ARNT2: variants seen among roughly 807,000 people sequenced by gnomAD.
ARNT2 encodes the protein ARNT protein 2.
ARNT2 carries 36 observed loss-of-function variants against 91.7 expected under a neutral mutation model. The ratio of observed to expected loss-of-function variants is 0.39; its 90% CI spans 0.30 to 0.52. The LOEUF (loss-of-function observed/expected upper bound fraction) is 0.52. Among genes scored for constraint, ARNT2 ranks in the 20% least tolerant of loss-of-function variants. The pLI is 0.72. For missense variants in ARNT2, 775 were observed against 939.3 expected (o/e 0.83, Z 2.29); for synonymous variants, 365 against 347.1 (o/e 1.05, Z -0.57).
At chr15:80,482,114 T>C (rs1306742695) in intron 5 of ARNT2, among the ~76,000 whole-genome samples, 1 of 152,232 alleles carries the variant, frequency 6.6e-6, no homozygotes, top group African/African-American at 2.4e-5. Context: ...CTTGCCATCT[T>C]GCCTAGGCTG....
At chr15:80,548,996 C>A (rs1038097733) in intron 8 of ARNT2, among the ~76,000 whole-genome samples, 1 of 152,004 alleles carries the variant, frequency 6.6e-6, no homozygotes, top group Non-Finnish European at 1.5e-5. Context: ...TTAAAACATA[C>A]AATAAAGCCT....
intron 11 of ARNT2, among the ~76,000 whole-genome samples, chr15:80,557,523 T>C (rs990072498): frequency 4.6e-5 from 7 of 151,984 alleles, no homozygotes; most frequent in African/African-American, 1.7e-4. Flanking sequence ...AACACCTGGG[T>C]GATGAAATAA....
intron 5 of ARNT2, among the ~76,000 whole-genome samples, chr15:80,487,095 C>T (rs936645402): frequency 2.6e-5 from 4 of 152,170 alleles, no homozygotes; most frequent in Non-Finnish European, 2.9e-5. Flanking sequence ...GGAATTCAGT[C>T]GCCGTGCAGA....
intron 17 of ARNT2, among the ~76,000 whole-genome samples, chr15:80,588,474 G>A (rs191058463): frequency 7.2e-5 from 11 of 151,990 alleles, no homozygotes; most frequent in Non-Finnish European, 1.0e-4. Flanking sequence ...TGTGCTTCCT[G>A]CTTCTGCTTA....
At chr15:80,478,780 C>T (rs1896844224) in intron 5 of ARNT2, among the ~76,000 whole-genome samples, 1 of 152,214 alleles carries the variant, frequency 6.6e-6, no homozygotes, top group Admixed American at 6.5e-5. Flanking sequence ...GTGCTCAGGA[C>T]AGGACTGGAG....
chr15:80,540,779 A>G (rs1364973430), intron 8 of ARNT2, among the ~76,000 whole-genome samples: 1 of 152,156 alleles, frequency 6.6e-6, no homozygotes, highest in Non-Finnish European at 1.5e-5. Context: ...TAATTCATTT[A>G]CAATAATGGC....
intron 17 of ARNT2, among the ~76,000 whole-genome samples, chr15:80,589,390 G>A (rs766929196): frequency 2.0e-5 from 3 of 152,144 alleles, no homozygotes; most frequent in Non-Finnish European, 4.4e-5. Context: ...AAGGGAAGGA[G>A]AGGTAGGTAT....
Position 80,552,859 on chromosome 15 carries a change from C to A in ARNT2, c.1089+85C>A, listed in dbSNP as rs182122971. 3.3e-6 allele frequency: 5 copies of A among 1,504,558 alleles called. No homozygotes were observed. In the African/African-American group the frequency reaches 6.9e-5, roughly 21 times the overall value. The allele number at this position is 1,504,558 out of a possible 1,614,324, so 93.2% of individuals were successfully genotyped here. A position where few individuals can be genotyped will look rare whatever the true frequency, so the allele number is the denominator to read the frequency against. On this transcript the variant is annotated intron_variant, in intron 10 of 18. Coordinates refer to ENST00000303329, the MANE Select transcript of ARNT2 (RefSeq NM_014862.4). The stretch of plus-strand genomic sequence containing the variant: ...TTCTTACTTCATTTGAGATACAACA[C>A]AATGGCCATGTGGAGAAACATCATA...
At chr15:80,504,218 C>G (rs1897239775) in intron 5 of ARNT2, among the ~76,000 whole-genome samples, 1 of 152,198 alleles carries the variant, frequency 6.6e-6, no homozygotes, top group Non-Finnish European at 1.5e-5. Flanking sequence ...CTCTCCAATC[C>G]CTTTCTCACT....
intron 3 of ARNT2, among the ~76,000 whole-genome samples, chr15:80,464,757 C>G (rs1434554731): frequency 6.6e-6 from 1 of 152,204 alleles, no homozygotes; most frequent in Non-Finnish European, 1.5e-5. Context: ...ATGGCTCTTA[C>G]AATGCCCTGC....
intron 1 of ARNT2, among the ~76,000 whole-genome samples, chr15:80,409,162 T>G (rs1000534301): frequency 6.6e-6 from 1 of 152,236 alleles, no homozygotes; most frequent in Non-Finnish European, 1.5e-5. Context: ...TGTATATGAC[T>G]TATATCTACC....
At chr15:80,572,252 C>G (rs1463307533) in intron 12 of ARNT2, among the ~76,000 whole-genome samples, 1 of 152,128 alleles carries the variant, frequency 6.6e-6, no homozygotes, top group Non-Finnish European at 1.5e-5. Context: ...TGCCTTCCTT[C>G]CACGGTGGCC....
intron 1 of ARNT2, among the ~76,000 whole-genome samples, chr15:80,411,888 T>A (rs1230911874): frequency 1.3e-5 from 2 of 152,188 alleles, no homozygotes; most frequent in African/African-American, 4.8e-5. Context: ...CGTGTTACAG[T>A]CCCACAGGGT....
In ARNT2 at chr15:80,563,085, C is replaced by A. The variant is rs1898399194; in HGVS notation, c.1165-3C>A. On this transcript the variant is annotated splice_polypyrimidine_tract_variant and splice_region_variant and intron_variant, in intron 11 of 18. Transcript: ENST00000303329. ...TGACTTCCTTCTCCAAATGTTTTCT[C>A]AGGTGGTTAAGCTGAAAGGCCAAGT... The A allele has an allele frequency of 6.2e-7, 1 of 1,614,080 alleles. No homozygotes were observed. Among genetic ancestry groups the A allele is most frequent in the African/African-American group, 1.3e-5 (1 of 74,938 alleles).
At chr15:80,527,314 C>G (rs1897654552) in intron 8 of ARNT2, among the ~76,000 whole-genome samples, 1 of 152,174 alleles carries the variant, frequency 6.6e-6, no homozygotes, top group South Asian at 2.1e-4. Flanking sequence ...AGGGTCATAA[C>G]CGAGACACAT....
At chr15:80,431,173 C>A (rs1348785607) in intron 1 of ARNT2, among the ~76,000 whole-genome samples, 1 of 152,162 alleles carries the variant, frequency 6.6e-6, no homozygotes, top group Admixed American at 6.5e-5. Flanking sequence ...AATCCTGAAC[C>A]TTACATTTTC....
intron 12 of ARNT2, among the ~76,000 whole-genome samples, chr15:80,568,828 C>T (rs531052097): frequency 1.3e-5 from 2 of 152,220 alleles, no homozygotes; most frequent in East Asian, 1.9e-4. Context: ...AGGCCTTTGC[C>T]GTCTCACAAG....
In ARNT2 at chr15:80,496,754, T is replaced by C. The variant is rs557644328; in HGVS notation, c.623-11402T>C. Among the ~76,000 whole-genome samples, 6 of 152,290 alleles carry C rather than the reference T, an allele frequency of 3.9e-5. No individual in the cohort carries two copies. In the East Asian group the frequency reaches 9.6e-4, roughly 24 times the overall value. On this transcript the variant is annotated intron_variant, in intron 5 of 18. Transcript: ENST00000303329. Reference sequence around the variant, plus strand: ...CCTACTGCCAAAGGAAAATGCTTTGTTAGGCTTGAGGGGTAGAATTACTTG... The same window carrying C: ...CCTACTGCCAAAGGAAAATGCTTTGCTAGGCTTGAGGGGTAGAATTACTTG...
intron 3 of ARNT2, among the ~76,000 whole-genome samples, chr15:80,468,229 A>C (rs1225789372): frequency 6.6e-6 from 1 of 151,798 alleles, no homozygotes; most frequent in Non-Finnish European, 1.5e-5. Context: ...GGGAGAGAGC[A>C]CCAGGCCTCA....
Sources: allele counts gnomAD v4.1 joint callset (sites outside exome capture counted in the v4.1 genomes callset), GRCh38; gene constraint gnomAD v4.1.1; transcripts MANE v1.5; gene names NCBI Gene and HGNC (gene_info 2026-07-23, HGNC 2026-07-21).